KHDRBS2: variants seen among roughly 807,000 people sequenced by gnomAD.
KHDRBS2 encodes the protein KH domain-containing, RNA-binding, signal transduction-associated protein 2.
Under a neutral mutation model 44.3 loss-of-function variants are expected in KHDRBS2, and 26 were observed. The observed-to-expected ratio is 0.59, with a 90% confidence interval of 0.43 to 0.81. The LOEUF (loss-of-function observed/expected upper bound fraction) is 0.81, where lower values mean the gene tolerates loss of function less well. Ranked by LOEUF, KHDRBS2 falls within the 40% of genes least tolerant of loss-of-function variation. The pLI is 0.00. For synonymous variants in KHDRBS2, 194 were observed against 151.1 expected, an observed-to-expected ratio of 1.28 and a Z score of -2.08; for missense variants, 476 against 433.1, an observed-to-expected ratio of 1.10 and a Z score of -0.88.
chr6:61,587,917 C>T, the KHDRBS2 span, among the ~76,000 whole-genome samples: 1 of 152,024 alleles, frequency 6.6e-6, no homozygotes, highest in South Asian at 2.1e-4. Context: ...GACATCTTTC[C>T]CATGTATGCA....
the KHDRBS2 span, among the ~76,000 whole-genome samples, chr6:61,600,956 G>A: frequency 6.6e-6 from 1 of 152,156 alleles, no homozygotes. Flanking sequence ...TCCAGCGCCA[G>A]TCATGGACTC....
intron 1 of KHDRBS2, among the ~76,000 whole-genome samples, chr6:62,207,400 A>G (rs1017962025): frequency 6.6e-6 from 1 of 152,142 alleles, no homozygotes; most frequent in Admixed American, 6.6e-5. Context: ...AGACTCCTGG[A>G]CCTACCAGTT....
intron 6 of KHDRBS2, among the ~76,000 whole-genome samples, chr6:61,868,167 C>T (rs780627420): frequency 2.0e-5 from 3 of 151,808 alleles, no homozygotes; most frequent in Non-Finnish European, 4.4e-5. Context: ...GAGGACCCAC[C>T]CAGGGAGGAA....
intron 4 of KHDRBS2, among the ~76,000 whole-genome samples, chr6:61,941,501 T>G (rs191994757): frequency 1.9e-4 from 29 of 152,200 alleles, no homozygotes; most frequent in Admixed American, 1.9e-3. Context: ...TATACTACCC[T>G]GCAGCCCAAA....
At chr6:61,651,873 T>G in the KHDRBS2 span, among the ~76,000 whole-genome samples, 1 of 152,142 alleles carries the variant, frequency 6.6e-6, no homozygotes, top group East Asian at 1.9e-4. Flanking sequence ...GATATAGGAA[T>G]GCCCAATTAG....
chr6:61,640,445 T>C, the KHDRBS2 span, among the ~76,000 whole-genome samples: 1 of 152,162 alleles, frequency 6.6e-6, no homozygotes, highest in Admixed American at 6.6e-5. Context: ...CATTTCACAG[T>C]GTGTAACCCA....
At chr6:62,076,943 G>A (rs1796460207) in intron 2 of KHDRBS2, among the ~76,000 whole-genome samples, 2 of 152,040 alleles carry the variant, frequency 1.3e-5, no homozygotes, top group East Asian at 3.9e-4. Context: ...CTACTCAGGA[G>A]GCTGCGGTGG....
chr6:61,661,318 G>C, the KHDRBS2 span: 1 of 151,784 alleles, frequency 6.6e-6, no homozygotes, highest in South Asian at 2.1e-4. Flanking sequence ...CAAACAGCCA[G>C]TCTTGGGTTT....
intron 7 of KHDRBS2, among the ~76,000 whole-genome samples, chr6:61,698,869 TCTTTCA>T (rs1321566472): frequency 1.3e-5 from 2 of 152,056 alleles, no homozygotes; most frequent in Admixed American, 6.6e-5. Context: ...CTTTTCCCAT[TCTTTCA>T]GAGCTCACTC....
chr6:62,050,522 C>T (rs1788771089), intron 2 of KHDRBS2, among the ~76,000 whole-genome samples: 1 of 151,772 alleles, frequency 6.6e-6, no homozygotes, highest in South Asian at 2.1e-4. Context: ...AGAGAAAACA[C>T]TCCTTACCTC....
At chr6:61,598,506 C>T in the KHDRBS2 span, among the ~76,000 whole-genome samples, 2 of 152,120 alleles carry the variant, frequency 1.3e-5, no homozygotes, top group African/African-American at 2.4e-5. Context: ...TACCAGTGTG[C>T]CCCATAGACA....
intron 6 of KHDRBS2, among the ~76,000 whole-genome samples, chr6:61,824,037 A>C (rs568632057): frequency 1.2e-4 from 19 of 152,272 alleles, no homozygotes; most frequent in Non-Finnish European, 2.2e-4. Flanking sequence ...AAAATTTTTT[A>C]ATTTTAATAA....
At chr6:62,186,067 C>A (rs1051490816) in intron 1 of KHDRBS2, among the ~76,000 whole-genome samples, 1 of 151,980 alleles carries the variant, frequency 6.6e-6, no homozygotes. Context: ...AGAATGCAGG[C>A]TTCTGGATAC....
the KHDRBS2 span, among the ~76,000 whole-genome samples, chr6:61,609,107 C>A: frequency 1.3e-5 from 2 of 152,162 alleles, no homozygotes; most frequent in African/African-American, 4.8e-5. Flanking sequence ...TCTGTAATCC[C>A]AGCACTTTGG....
chr6:62,141,804 T>C (rs2344797), intron 2 of KHDRBS2, among the ~76,000 whole-genome samples: 77,056 of 151,780 alleles, frequency 0.51, 19,933 homozygotes, highest in Non-Finnish European at 0.55. Flanking sequence ...TGAGTGCTAG[T>C]ACAATTTTAC....
chr6:61,631,653 G>A, the KHDRBS2 span, among the ~76,000 whole-genome samples: 1 of 152,056 alleles, frequency 6.6e-6, no homozygotes, highest in Non-Finnish European at 1.5e-5. Context: ...CAACAATATG[G>A]CAGAAATCCT....
At chr6:61,955,687 T>TGTAC (rs1347331777) in intron 4 of KHDRBS2, among the ~76,000 whole-genome samples, 21 of 106,604 alleles carry the variant, frequency 2.0e-4, no homozygotes, top group African/African-American at 7.3e-4. Context: ...TATGTATGTA[T>TGTAC]ACATATATGT....
the KHDRBS2 span, among the ~76,000 whole-genome samples, chr6:61,581,468 A>C: frequency 1.3e-5 from 2 of 150,730 alleles, no homozygotes; most frequent in African/African-American, 4.9e-5. Flanking sequence ...AAAAGCATAA[A>C]GCATCCAGGA....
chr6:61,715,734 C>A (rs1217903216), intron 7 of KHDRBS2, among the ~76,000 whole-genome samples: 5 of 151,538 alleles, frequency 3.3e-5, no homozygotes, highest in Admixed American at 3.3e-4. Flanking sequence ...TACAAATAGT[C>A]CTCTGTATTT....
Sources: allele counts gnomAD v4.1 joint callset (sites outside exome capture counted in the v4.1 genomes callset), GRCh38; gene constraint gnomAD v4.1.1; transcripts MANE v1.5; gene names NCBI Gene and HGNC (gene_info 2026-07-23, HGNC 2026-07-21).